The following ADAM19 variants were observed in gnomAD, a reference collection of about 807,000 sequenced individuals.
The protein encoded by ADAM19 is ADAM metallopeptidase domain 19, also known as disintegrin and metalloproteinase domain-containing protein 19.
In ADAM19, 65 loss-of-function variants were observed where a neutral mutation model predicts 114.7. The ratio of observed to expected loss-of-function variants is 0.57; its 90% CI spans 0.46 to 0.70. The LOEUF is 0.70. ADAM19 is among the 30% of genes least tolerant of loss of function. The pLI is 0.00. For missense variants in ADAM19, 1,063 were observed against 1,204.7 expected, an observed-to-expected ratio of 0.88 and a Z score of 1.74; for synonymous variants, 466 against 460.5, an observed-to-expected ratio of 1.01 and a Z score of -0.15.
At chr5:157,511,576 C>T (rs372342791) in intron 8 of ADAM19, among the ~76,000 whole-genome samples, 26 of 152,248 alleles carry the variant, frequency 1.7e-4, no homozygotes, top group African/African-American at 4.1e-4. Context: ...CCAGTTCAAT[C>T]GTTACAGAAA....
intron 21 of ADAM19, among the ~76,000 whole-genome samples, chr5:157,483,416 T>C (rs1754824931): frequency 6.6e-6 from 1 of 152,088 alleles, no homozygotes; most frequent in South Asian, 2.1e-4. Flanking sequence ...GATATAGCAC[T>C]TAAAAAGAAT....
Position 157,496,883 on chromosome 5 carries a change from G to T in ADAM19, c.1594+11C>A. 6.4e-7 allele frequency: 1 copy of T among 1,557,602 alleles called. No individual in the cohort carries two copies. The highest frequency in any genetic ancestry group is 8.7e-7 in the Non-Finnish European group (1 of 1,154,570). On this transcript the variant is annotated intron_variant, in intron 14 of 22. Transcript: ENST00000257527. ...GGCTGGGGAGAGCCGTGCTCCCCAG[G>T]AGAGCCTTACCGGGTCCCCACAGCT...
intron 2 of ADAM19, among the ~76,000 whole-genome samples, chr5:157,564,866 T>C (rs1281692344): frequency 6.6e-6 from 1 of 152,164 alleles, no homozygotes; most frequent in Admixed American, 6.5e-5. Context: ...ATAGTAATAG[T>C]CAATTTGATG....
chr5:157,551,095 G>A (rs536179168), intron 3 of ADAM19, among the ~76,000 whole-genome samples: 5 of 151,986 alleles, frequency 3.3e-5, no homozygotes, highest in African/African-American at 4.8e-5. Flanking sequence ...AAATCAAAAC[G>A]GATTAAAGAC....
rs536485712 is a variant in ADAM19, at chr5:157,488,351, C to T, written c.2464G>A (p.Gly822Arg). 2.6e-5 allele frequency: 42 copies of T among 1,614,152 alleles called. No homozygotes were observed. The South Asian group carries it at 2.6e-4, about 10-fold the overall frequency. ...SRAARNSPGPGSQIERTESSR... is the reference protein window; with the variant it reads ...SRAARNSPGPRSQIERTESSR... ...GACTCCGTCCTCTCTATTTGAGACC[C>T]GGGCCCTGGGGAGTTCCTAGCAGCC... Residue 822 changes from glycine (G) to arginine (R), a missense_variant, in exon 21 of 23, where the codon GGG becomes AGG. Gly to Arg is a moderately radical substitution (Grantham distance 125). This residue lies in a region of ADAM19 where 424 missense variants were observed against 445.5 expected (regional missense o/e 0.95). Coordinates refer to ENST00000257527, the MANE Select transcript of ADAM19 (RefSeq NM_033274.5).
At chr5:157,494,832 T>C in intron 14 of ADAM19, 37 bp from the exon 15 acceptor site, 1 of 1,559,844 alleles carries the variant, frequency 6.4e-7, no homozygotes, top group Non-Finnish European at 8.8e-7. Context: ...TATACTCATC[T>C]GTCAGAAGCC....
chr5:157,537,611 CAT>C (rs1173833305), intron 4 of ADAM19, among the ~76,000 whole-genome samples: 2 of 152,282 alleles, frequency 1.3e-5, no homozygotes, highest in South Asian at 2.1e-4. Context: ...CTTTTGTTAA[CAT>C]GTGGGTAATT....
chr5:157,486,956 G>A (rs1407753009), intron 21 of ADAM19, among the ~76,000 whole-genome samples: 1 of 152,104 alleles, frequency 6.6e-6, no homozygotes, highest in East Asian at 1.9e-4. Flanking sequence ...CAGACACCAG[G>A]GAGGCAGAAG....
chr5:157,504,349 C>T (rs1226646235), intron 11 of ADAM19, among the ~76,000 whole-genome samples: 1 of 152,152 alleles, frequency 6.6e-6, no homozygotes, highest in Non-Finnish European at 1.5e-5. Context: ...CTCTCGAGTT[C>T]AAGTGATTTT....
Position 157,477,396 on chromosome 5 carries a change from C to T in ADAM19, c.*3553G>A. ...CATTCAAGTATTTTGCATAGATGTA[C>T]AAATATTGTAAACAATTAATAGGTG... On this transcript the variant is annotated 3_prime_UTR_variant, in exon 23 of 23. Coordinates refer to ENST00000257527, the MANE Select transcript of ADAM19 (RefSeq NM_033274.5). 1 of 1,013,602 alleles carries T rather than the reference C, an allele frequency of 9.9e-7. No homozygotes were observed. Among genetic ancestry groups the T allele is most frequent in the Non-Finnish European group, 1.2e-6 (1 of 845,266 alleles). The allele number at this position is 1,013,602 out of a possible 1,614,324, so 62.8% of individuals were successfully genotyped here.
rs567178005 is a variant in ADAM19 at position 157,515,582 on chromosome 5, C to T, written c.667-2077G>A. 3.3e-5 allele frequency among the ~76,000 whole-genome samples: 5 copies of T among 152,308 alleles called. No individual in the cohort carries two copies. The East Asian group carries it at 9.6e-4, about 29-fold the overall frequency. ...ATAATACAGAAACCAATGGGCCTGG[C>T]TGTGTTCCAGTAAAATTTTGTTTGC... is the stretch of plus-strand genomic sequence containing the variant. On this transcript the variant is annotated intron_variant, in intron 7 of 22. Transcript: ENST00000257527.
chr5:157,534,876 C>T (rs78926029), intron 4 of ADAM19, among the ~76,000 whole-genome samples: 3,143 of 152,330 alleles, frequency 0.021, 97 homozygotes, highest in African/African-American at 0.071. Context: ...CATCCTCTGC[C>T]TCTCCCAGCA....
At chr5:157,560,051 G>A (rs1757468700) in intron 3 of ADAM19, among the ~76,000 whole-genome samples, 1 of 151,766 alleles carries the variant, frequency 6.6e-6, no homozygotes, top group African/African-American at 2.4e-5. Context: ...GGATCACGAG[G>A]TCAGGAGATC....
At chr5:157,535,117 G>A (rs932822204) in intron 4 of ADAM19, among the ~76,000 whole-genome samples, 1 of 152,290 alleles carries the variant, frequency 6.6e-6, no homozygotes, top group Non-Finnish European at 1.5e-5. Context: ...ACAGCCCTGC[G>A]AGTCAGATAT....
intron 4 of ADAM19, among the ~76,000 whole-genome samples, chr5:157,534,657 CTAAAA>C (rs1441713169): frequency 1.3e-5 from 2 of 152,148 alleles, no homozygotes; most frequent in Non-Finnish European, 2.9e-5. Flanking sequence ...GGCCCTATGT[CTAAAA>C]TAAAAGAGCT....
chr5:157,540,187 A>C (rs986933176), intron 3 of ADAM19, among the ~76,000 whole-genome samples: 15 of 152,230 alleles, frequency 9.9e-5, no homozygotes, highest in African/African-American at 3.6e-4. Context: ...TGCTTTCAAC[A>C]GGGATTATGA....
chr5:157,552,729 G>GTGTTTGTTGCAGCTCCTGTGTTTGTT (rs1757238423), intron 3 of ADAM19, among the ~76,000 whole-genome samples: 2 of 148,808 alleles, frequency 1.3e-5, no homozygotes, highest in Non-Finnish European at 3.0e-5. Flanking sequence ...AGACATACCT[G>GTGTTTGTTGCAGCTCCTGTGTTTGTT]TGCTCCTGTG....
chr5:157,508,383 C>T (rs1755811985), intron 9 of ADAM19, among the ~76,000 whole-genome samples: 2 of 152,098 alleles, frequency 1.3e-5, no homozygotes, highest in Non-Finnish European at 2.9e-5. Context: ...CCGAGGCGGG[C>T]GGATCACTTG....
chr5:157,542,417 G>A (rs1243387757), intron 3 of ADAM19, among the ~76,000 whole-genome samples: 2 of 152,112 alleles, frequency 1.3e-5, no homozygotes, highest in African/African-American at 2.4e-5. Context: ...AGGGAAAGTC[G>A]GAATGCTTTG....
Sources: allele counts gnomAD v4.1 joint callset (sites outside exome capture counted in the v4.1 genomes callset), GRCh38; gene constraint gnomAD v4.1.1; regional missense constraint gnomAD v4.1.1; transcripts MANE v1.5; gene names NCBI Gene and HGNC (gene_info 2026-07-23, HGNC 2026-07-21).